Variants in NRG3 observed in about 807,000 individuals in gnomAD.
NRG3 encodes neuregulin 3, also known as pro-neuregulin-3, membrane-bound isoform.
Under a neutral mutation model 66.9 loss-of-function variants are expected in NRG3, and 31 were observed. The observed-to-expected ratio is 0.46, with a 90% CI of 0.35 to 0.63. NRG3 has a LOEUF of 0.63. Ranked by LOEUF, NRG3 falls within the 20% of genes least tolerant of loss-of-function variation. The pLI, the probability that NRG3 is intolerant of heterozygous loss-of-function variation, is 0.00. For missense variants in NRG3, 910 were observed against 878.9 expected (o/e 1.04, Z -0.45); for synonymous variants, 393 against 359.4 (o/e 1.09, Z -1.06).
intron 1 of NRG3, among the ~76,000 whole-genome samples, chr10:82,099,725 C>A (rs1047230899): frequency 6.6e-6 from 1 of 152,050 alleles, no homozygotes; most frequent in East Asian, 1.9e-4. Flanking sequence ...AATATCAACA[C>A]TTTGGGAGAC....
chr10:81,948,911 C>A (rs1849086561), intron 1 of NRG3, among the ~76,000 whole-genome samples: 2 of 152,168 alleles, frequency 1.3e-5, no homozygotes, highest in South Asian at 2.1e-4. Flanking sequence ...GGAAGTGTTG[C>A]AGGTTAAAAT....
chr10:82,221,909 C>T (rs555436432), intron 1 of NRG3, among the ~76,000 whole-genome samples: 7 of 152,068 alleles, frequency 4.6e-5, no homozygotes, highest in African/African-American at 1.4e-4. Flanking sequence ...TCGGGACGGA[C>T]ACTTCCAAAC....
intron 2 of NRG3, among the ~76,000 whole-genome samples, chr10:82,498,022 C>T (rs1843773624): frequency 6.6e-6 from 1 of 150,740 alleles, no homozygotes; most frequent in South Asian, 2.1e-4. Flanking sequence ...CTGTTGATCA[C>T]TTGTATGTAT....
chr10:82,750,594 T>G (rs11195811), intron 3 of NRG3, among the ~76,000 whole-genome samples: 12,672 of 152,112 alleles, frequency 0.083, 666 homozygotes, highest in East Asian at 0.2. Flanking sequence ...GTGCCAAATT[T>G]CATGCTAGGC....
At chr10:82,450,821 C>A (rs2090988071) in intron 2 of NRG3, among the ~76,000 whole-genome samples, 1 of 152,118 alleles carries the variant, frequency 6.6e-6, no homozygotes, top group African/African-American at 2.4e-5. Context: ...TAATGGACAG[C>A]CTAATAAAAT....
chr10:82,459,649 T>C (rs955662213), intron 2 of NRG3, among the ~76,000 whole-genome samples: 2 of 152,196 alleles, frequency 1.3e-5, no homozygotes, highest in Admixed American at 6.5e-5. Context: ...ATGTAGTCTG[T>C]GCTCCTCCCG....
At chr10:82,473,827 TG>T (rs1313597308) in intron 2 of NRG3, among the ~76,000 whole-genome samples, 2 of 152,030 alleles carry the variant, frequency 1.3e-5, no homozygotes, top group Non-Finnish European at 2.9e-5. Context: ...AAGGAAGCCA[TG>T]GGAAGCAGTG....
intron 1 of NRG3, among the ~76,000 whole-genome samples, chr10:82,112,827 T>G (rs982808621): frequency 1.2e-4 from 19 of 152,090 alleles, no homozygotes; most frequent in Non-Finnish European, 1.5e-4. Context: ...GGATATGTAT[T>G]TCAGTGATAT....
At chr10:81,913,419 T>C (rs916451680) in intron 1 of NRG3, among the ~76,000 whole-genome samples, 8 of 151,464 alleles carry the variant, frequency 5.3e-5, no homozygotes, top group African/African-American at 2.0e-4. Context: ...CACTCAGGAC[T>C]TTTTTCTTTT....
At chr10:81,999,192 C>T (rs535744440) in intron 1 of NRG3, among the ~76,000 whole-genome samples, 18 of 152,262 alleles carry the variant, frequency 1.2e-4, no homozygotes, top group African/African-American at 3.4e-4. Context: ...CCATCATTTA[C>T]GTGAAAGGTA....
At chr10:82,914,546 C>T (rs1440274584) in intron 4 of NRG3, among the ~76,000 whole-genome samples, 3 of 152,074 alleles carry the variant, frequency 2.0e-5, no homozygotes, top group Non-Finnish European at 4.4e-5. Context: ...TCCCTGTTGT[C>T]CTTGGACTTC....
chr10:82,948,537 A>G (rs1040355501), intron 4 of NRG3, among the ~76,000 whole-genome samples: 1 of 152,130 alleles, frequency 6.6e-6, no homozygotes, highest in Non-Finnish European at 1.5e-5. Flanking sequence ...GAGAATTGAC[A>G]TCTTAATAAT....
At chr10:82,815,122 G>A (rs982838824) in intron 3 of NRG3, among the ~76,000 whole-genome samples, 6 of 152,212 alleles carry the variant, frequency 3.9e-5, no homozygotes, top group African/African-American at 1.4e-4. Flanking sequence ...TTAGTAAGAG[G>A]TTGGCTTTGG....
chr10:82,185,827 C>T (rs1210916369), intron 1 of NRG3, among the ~76,000 whole-genome samples: 1 of 152,116 alleles, frequency 6.6e-6, no homozygotes, highest in Admixed American at 6.6e-5. Flanking sequence ...TGGTTTTATT[C>T]TAAAAAATTA....
chr10:82,388,321 C>T (rs1407783426), intron 2 of NRG3, among the ~76,000 whole-genome samples: 1 of 152,026 alleles, frequency 6.6e-6, no homozygotes, highest in South Asian at 2.1e-4. Flanking sequence ...TAAAATGTAA[C>T]TATTTACGTA....
intron 1 of NRG3, among the ~76,000 whole-genome samples, chr10:81,888,477 T>C (rs535795116): frequency 3.3e-5 from 5 of 152,144 alleles, no homozygotes; most frequent in African/African-American, 1.2e-4. Flanking sequence ...TCAGAAGATA[T>C]GCACCAAAGA....
At chr10:82,528,643 A>C (rs898539688) in intron 2 of NRG3, among the ~76,000 whole-genome samples, 1 of 152,080 alleles carries the variant, frequency 6.6e-6, no homozygotes, top group African/African-American at 2.4e-5. Context: ...AGGATTTTTC[A>C]TTGCTTTTTT....
chr10:82,151,072 G>T (rs2070709321), intron 1 of NRG3, among the ~76,000 whole-genome samples: 1 of 152,154 alleles, frequency 6.6e-6, no homozygotes, highest in Non-Finnish European at 1.5e-5. Context: ...AGGGTCCAAA[G>T]CAGGAAGTGC....
At chr10:82,427,027 G>A (rs904004892) in intron 2 of NRG3, among the ~76,000 whole-genome samples, 3 of 152,084 alleles carry the variant, frequency 2.0e-5, no homozygotes, top group South Asian at 4.2e-4. Flanking sequence ...TTGTATATAG[G>A]CCTCATATCG....
Sources: allele counts gnomAD v4.1 joint callset (sites outside exome capture counted in the v4.1 genomes callset), GRCh38; gene constraint gnomAD v4.1.1; transcripts MANE v1.5; gene names NCBI Gene and HGNC (gene_info 2026-07-23, HGNC 2026-07-21).